The following TKTL1 variants were observed in gnomAD, a reference collection of about 807,000 sequenced individuals.
TKTL1 encodes the protein transketolase like 1, also known as transketolase-like protein 1.
Under a neutral mutation model 39.3 loss-of-function variants are expected in TKTL1, and 1 was observed. That is an observed-to-expected ratio of 0.03 (90% CI 0.01 to 0.12). The LOEUF (loss-of-function observed/expected upper bound fraction) is 0.12, where lower values mean the gene tolerates loss of function less well. Ranked by LOEUF, TKTL1 falls within the 10% of genes least tolerant of loss-of-function variation. The pLI is 1.00. For missense variants in TKTL1, 575 were observed against 509.6 expected, an observed-to-expected ratio of 1.13 and a Z score of -1.24; for synonymous variants, 262 against 193.8, an observed-to-expected ratio of 1.35 and a Z score of -2.92.
intron 3 of TKTL1, among the ~76,000 whole-genome samples, chrX:154,310,568 A>G (rs1258877577): frequency 8.9e-6 from 1 of 112,583 alleles, no homozygotes; most frequent in African/African-American, 3.2e-5. Flanking sequence ...GCTTATTGAT[A>G]AGGAAATGTG....
chrX:154,309,234 G>T, intron 2 of TKTL1, 111 bp from the exon 3 acceptor site: 1 of 630,598 alleles, frequency 1.6e-6, no homozygotes, highest in African/African-American at 2.2e-5. Flanking sequence ...GGGCTGTTCG[G>T]ATGGGACGCT....
At chrX:154,315,474 A>G (rs1557169207) in intron 7 of TKTL1, 137 bp downstream of exon 7, 4 of 636,396 alleles carry the variant, frequency 6.3e-6, no homozygotes, top group Non-Finnish European at 7.1e-6. Flanking sequence ...GCAGGAGGCA[A>G]GTAGCCAGGT....
At position 154,295,972 on chromosome X, in the gene TKTL1, C is replaced by G. The variant is rs782327304; in HGVS notation, c.113C>G (p.Ala38Gly). The change falls in exon 1 of 13, where the codon GCC (alanine) becomes GGC (glycine). Residue 38 changes from alanine to glycine, a missense_variant. Coordinates refer to ENST00000369915, the MANE Select transcript of TKTL1 (RefSeq NM_012253.4). ...CGCTTGCGAATCCATTCCATCAGGGCCACATGCTCCACGAGCTCCGGGTAA... is the reference window on the plus strand; with the variant it reads ...CGCTTGCGAATCCATTCCATCAGGGGCACATGCTCCACGAGCTCCGGGTAA... ...ASRLRIHSIR[A>G]TCSTSSGHPT... The G allele has an allele frequency of 5.8e-6, 7 of 1,211,467 alleles. No individual in the cohort carries two copies. The highest frequency in any genetic ancestry group is 2.2e-5 in the Admixed American group (1 of 46,029).
At position 154,327,679 on chromosome X, in the gene TKTL1, C is replaced by T. The variant is rs782175414; in HGVS notation, c.1490C>T (p.Ser497Leu). 8.3e-6 allele frequency: 10 copies of T among 1,209,983 alleles called. No homozygotes were observed. The highest frequency in any genetic ancestry group is 3.5e-5 in the South Asian group (2 of 56,912). ...YEALAAADEL[S>L]KQDIFIRVID... ...GCCTTAGCAGCTGCTGATGAGCTTT[C>T]GAAACAAGGTCAGTTGGTTGAGTAT... The change falls in exon 11 of 13, where the codon TCG (serine) becomes TTG (leucine). Residue 497 changes from serine (S) to leucine (L), a missense_variant. Transcript: ENST00000369915.
In TKTL1 at chrX:154,305,393, C is replaced by T. The variant is rs375925960; in HGVS notation, c.224C>T (p.Pro75Leu). Residue 75 changes from proline (P) to leucine (L), a missense_variant, in exon 2 of 13, where the codon CCG becomes CTG. By Grantham distance (98) the Pro-to-Leu change is moderately conservative. Coordinates refer to ENST00000369915, the MANE Select transcript of TKTL1 (RefSeq NM_012253.4). ...TACAAGCAGTCAGATCCAGAGAATCCGGACAACGACCGATTTGTCCTCGCA... is the reference window on the plus strand; with the variant it reads ...TACAAGCAGTCAGATCCAGAGAATCTGGACAACGACCGATTTGTCCTCGCA... ...MRYKQSDPEN[P>L]DNDRFVLAKR... The T allele has an allele frequency of 1.4e-5, 17 of 1,209,722 alleles. No homozygotes were observed. The highest frequency in any genetic ancestry group is 2.3e-4 in the Middle Eastern group (1 of 4,294).
chrX:154,318,342 G>T (rs2067418951), intron 7 of TKTL1, among the ~76,000 whole-genome samples: 1 of 110,992 alleles, frequency 9.0e-6, no homozygotes, highest in Admixed American at 9.6e-5. Flanking sequence ...GCTGGGCATA[G>T]TGGCTCACAC....
At chrX:154,296,143 G>A (rs1176322349) in intron 1 of TKTL1, 150 bp downstream of exon 1, 14 of 768,928 alleles carry the variant, frequency 1.8e-5, no homozygotes, top group African/African-American at 1.5e-4. Flanking sequence ...GTTGGGGCCC[G>A]GTCGAGCACC....
intron 1 of TKTL1, among the ~76,000 whole-genome samples, chrX:154,298,876 G>C (rs782784161): frequency 9.1e-6 from 1 of 110,066 alleles, no homozygotes; most frequent in Admixed American, 9.9e-5. Context: ...ACAGAGTCTT[G>C]CTGTGTCGCC....
intron 7 of TKTL1, among the ~76,000 whole-genome samples, chrX:154,317,977 C>G (rs2067415271): frequency 8.9e-6 from 1 of 112,338 alleles, no homozygotes; most frequent in African/African-American, 3.2e-5. Flanking sequence ...GTAGATCAGT[C>G]AGTCATTTTC....
At chrX:154,315,095 A>ATGGT in intron 6 of TKTL1, 78 bp from the exon 7 acceptor site, 1 of 1,020,726 alleles carries the variant, frequency 9.8e-7, no homozygotes, top group Non-Finnish European at 1.3e-6. Flanking sequence ...ATTCTACAAT[A>ATGGT]TGGTACCTTC....
rs1057352244 is a variant in TKTL1 at position 154,323,266 on chromosome X, A to G, written c.1246A>G (p.Lys416Glu). The change falls in exon 9 of 13, where the codon AAG becomes GAG. Residue 416 changes from lysine (K) to glutamate (E), a missense_variant. Physicochemically the swap from Lys to Glu is moderately conservative, Grantham distance 56. Transcript: ENST00000369915. ...TATAGCCATGTTCCGAACCATTCCC[A>G]AGTGCACGATCTTCTACCCAACTGA... is the stretch of plus-strand genomic sequence containing the variant. ...EDIAMFRTIP[K>E]CTIFYPTDAV... 5 of 1,211,276 alleles carry G rather than the reference A, an allele frequency of 4.1e-6. No homozygotes were observed. The South Asian group carries it at 7.0e-5, about 17-fold the overall frequency.
intron 9 of TKTL1, 53 bp downstream of exon 9, chrX:154,323,390 A>G: frequency 8.7e-7 from 1 of 1,155,493 alleles, no homozygotes; most frequent in Non-Finnish European, 1.2e-6. Flanking sequence ...GGACTCTGCT[A>G]GTTTCATACT....
At chrX:154,312,550 A>AATGG (rs1557168548) in intron 5 of TKTL1, 30 bp from the exon 6 acceptor site, 3 of 1,185,720 alleles carry the variant, frequency 2.5e-6, no homozygotes, top group Non-Finnish European at 3.4e-6. Context: ...ATATTTATGG[A>AATGG]ATGGATGTCT....
At position 154,311,003 on chromosome X, in the gene TKTL1, A is replaced by G. The variant is rs782388747; in HGVS notation, c.518A>G (p.Tyr173Cys). The G allele has an allele frequency of 9.9e-6, 12 of 1,210,558 alleles. No homozygotes were observed. Among genetic ancestry groups the G allele is most frequent in the Admixed American group, 2.2e-5 (1 of 45,814 alleles). Residue 173 changes from tyrosine (Y) to cysteine (C), a missense_variant, in exon 4 of 13, where the codon TAT becomes TGT. Physicochemically the swap from Tyr to Cys is radical, Grantham distance 194 (BLOSUM62 -2). Coordinates refer to ENST00000369915, the MANE Select transcript of TKTL1 (RefSeq NM_012253.4). The part of the protein sequence containing the change: ...ALPAEHCINI[Y>C]QRRCEAFGWN... ...CCCGCCGAGCACTGCATAAACATCTATCAGAGGCGCTGCGAAGCCTTTGGG... is the reference window on the plus strand; with the variant it reads ...CCCGCCGAGCACTGCATAAACATCTGTCAGAGGCGCTGCGAAGCCTTTGGG...
At chrX:154,329,014 TG>T (rs1332650598) in intron 12 of TKTL1, among the ~76,000 whole-genome samples, 1 of 112,495 alleles carries the variant, frequency 8.9e-6, no homozygotes, top group East Asian at 2.8e-4. Context: ...AAGTGTGTAC[TG>T]GGGGCAGGTC....
intron 6 of TKTL1, 101 bp from the exon 7 acceptor site, chrX:154,315,072 A>C: frequency 1.1e-6 from 1 of 918,555 alleles, no homozygotes; most frequent in East Asian, 3.1e-5. Context: ...TTCAAGATAG[A>C]TGATAATTTG....
chrX:154,323,592 A>T (rs1378437009), intron 9 of TKTL1, among the ~76,000 whole-genome samples: 2 of 112,167 alleles, frequency 1.8e-5, no homozygotes, highest in Non-Finnish European at 3.8e-5. Flanking sequence ...AGAAACAGGG[A>T]CCATTCTGGG....
At chrX:154,307,993 G>A (rs2067328277) in intron 2 of TKTL1, among the ~76,000 whole-genome samples, 1 of 111,944 alleles carries the variant, frequency 8.9e-6, no homozygotes, top group African/African-American at 3.2e-5. Flanking sequence ...GCAAGAAGCA[G>A]GAGATCAGAG....
intron 1 of TKTL1, among the ~76,000 whole-genome samples, chrX:154,302,186 C>G (rs1368992105): frequency 1.8e-5 from 2 of 110,891 alleles, no homozygotes; most frequent in Non-Finnish European, 1.9e-5. Flanking sequence ...CTGGTTGACC[C>G]ATTCCTCTTT....
Sources: allele counts gnomAD v4.1 joint callset (sites outside exome capture counted in the v4.1 genomes callset), GRCh38; gene constraint gnomAD v4.1.1; transcripts MANE v1.5; gene names NCBI Gene and HGNC (gene_info 2026-07-23, HGNC 2026-07-21).